Variants in KCNQ5 observed in about 807,000 individuals in gnomAD.
The protein encoded by KCNQ5 is potassium voltage-gated channel subfamily Q member 5.
KCNQ5 carries 30 observed loss-of-function variants against 98.2 expected under a neutral mutation model. That is an observed-to-expected ratio of 0.31 (90% CI 0.23 to 0.41). The LOEUF is 0.41. Ranked by LOEUF, KCNQ5 falls within the 10% of genes least tolerant of loss-of-function variation. The probability of loss-of-function intolerance (pLI) is 1.00; values close to 1 mark genes in which losing one functional copy is unlikely to be tolerated. For missense variants in KCNQ5, 835 were observed against 1,182.5 expected (o/e 0.71, Z 4.31); for synonymous variants, 458 against 449.4 (o/e 1.02, Z -0.24).
At chr6:72,737,544 T>C in intron 1 of KCNQ5, among the ~76,000 whole-genome samples, 1 of 152,042 alleles carries the variant, frequency 6.6e-6, no homozygotes, top group East Asian at 1.9e-4. Context: ...AGAGAAGGCT[T>C]GGGTGGACAT....
At chr6:73,109,832 T>C (rs1775155944) in intron 6 of KCNQ5, among the ~76,000 whole-genome samples, 1 of 152,208 alleles carries the variant, frequency 6.6e-6, no homozygotes, top group Non-Finnish European at 1.5e-5. Flanking sequence ...TTATACTAAT[T>C]AATAATGGAG....
chr6:72,724,150 A>G (rs1272836516), intron 1 of KCNQ5, among the ~76,000 whole-genome samples: 5 of 152,208 alleles, frequency 3.3e-5, no homozygotes. Flanking sequence ...ACTTATTTTT[A>G]TGTAAGACAT....
At chr6:72,671,884 T>G (rs2154473380) in intron 1 of KCNQ5, among the ~76,000 whole-genome samples, 1 of 152,190 alleles carries the variant, frequency 6.6e-6, no homozygotes, top group East Asian at 1.9e-4. Flanking sequence ...TGGCACGATC[T>G]CGGCTCACTG....
chr6:72,979,857 G>A (rs1478935891), intron 1 of KCNQ5, among the ~76,000 whole-genome samples: 2 of 152,142 alleles, frequency 1.3e-5, no homozygotes, highest in South Asian at 2.1e-4. Flanking sequence ...TTTGTATAAG[G>A]TGTAAGGAAG....
intron 10 of KCNQ5, among the ~76,000 whole-genome samples, chr6:73,150,019 A>C (rs1777088087): frequency 6.6e-6 from 1 of 151,924 alleles, no homozygotes; most frequent in South Asian, 2.1e-4. Context: ...AAAAAAAAAA[A>C]ACACCAGTTG....
intron 1 of KCNQ5, among the ~76,000 whole-genome samples, chr6:72,693,778 A>G (rs1337023878): frequency 6.6e-6 from 1 of 152,190 alleles, no homozygotes; most frequent in Non-Finnish European, 1.5e-5. Flanking sequence ...TTTAATTTGG[A>G]GAGAGACACT....
intron 1 of KCNQ5, among the ~76,000 whole-genome samples, chr6:72,974,814 A>G (rs1227441115): frequency 2.0e-5 from 3 of 151,170 alleles, no homozygotes; most frequent in African/African-American, 7.3e-5. Context: ...ATCTCGGCTC[A>G]CTGCAACCTC....
Position 72,826,969 on chromosome 6 carries a change from A to T in KCNQ5, c.399-176939A>T, listed in dbSNP as rs549268792. On this transcript the variant is annotated intron_variant, in intron 1 of 13. Coordinates refer to ENST00000370398, the MANE Select transcript of KCNQ5 (RefSeq NM_019842.4). ...TTAGCTTCTGCACATGGGTGAGAACATGTGGTGTTTAACTTTATGTTCCTG... is the reference window on the plus strand; with the variant it reads ...TTAGCTTCTGCACATGGGTGAGAACTTGTGGTGTTTAACTTTATGTTCCTG... Among the ~76,000 whole-genome samples the T allele has an allele frequency of 7.9e-5, 12 of 152,244 alleles. No individual in the cohort carries two copies. In the South Asian group the frequency reaches 2.5e-3, roughly 32 times the overall value.
At chr6:73,110,891 C>G (rs1462186234) in intron 6 of KCNQ5, among the ~76,000 whole-genome samples, 1 of 152,176 alleles carries the variant, frequency 6.6e-6, no homozygotes, top group Non-Finnish European at 1.5e-5. Flanking sequence ...AAATCCAGCT[C>G]TGTCCCAAGT....
At chr6:72,655,030 T>TCTG (rs1766086837) in intron 1 of KCNQ5, among the ~76,000 whole-genome samples, 3 of 43,580 alleles carry the variant, frequency 6.9e-5, no homozygotes, top group South Asian at 1.5e-3. Context: ...CTGTCTGTCT[T>TCTG]TCTTTCTTTC....
chr6:73,086,273 C>T (rs1399457719), intron 5 of KCNQ5, among the ~76,000 whole-genome samples: 4 of 151,980 alleles, frequency 2.6e-5, no homozygotes, highest in Non-Finnish European at 5.9e-5. Context: ...ACACATGATC[C>T]CACCTTCTCC....
chr6:72,939,020 C>T (rs529277471), intron 1 of KCNQ5, among the ~76,000 whole-genome samples: 15 of 152,296 alleles, frequency 9.8e-5, no homozygotes, highest in African/African-American at 3.6e-4. Flanking sequence ...AACTCATTAA[C>T]CCTGTACCAC....
At chr6:72,635,414 A>G (rs563655473) in intron 1 of KCNQ5, among the ~76,000 whole-genome samples, 169 of 152,312 alleles carry the variant, frequency 1.1e-3, no homozygotes, top group Non-Finnish European at 7.8e-4. Flanking sequence ...AAGATTCACT[A>G]CAAAATAGCA....
chr6:73,188,649 TAAC>T (rs1376204287), intron 11 of KCNQ5, among the ~76,000 whole-genome samples: 2 of 152,268 alleles, frequency 1.3e-5, no homozygotes, highest in East Asian at 3.9e-4. Flanking sequence ...GTAGAAGTGG[TAAC>T]AACAATAGCT....
intron 10 of KCNQ5, among the ~76,000 whole-genome samples, chr6:73,140,954 T>C (rs1776680627): frequency 6.6e-6 from 1 of 152,310 alleles, no homozygotes; most frequent in South Asian, 2.1e-4. Context: ...AAGATCTGCT[T>C]CTCCTATTGG....
intron 1 of KCNQ5, among the ~76,000 whole-genome samples, chr6:72,862,883 A>G (rs1238464117): frequency 2.0e-5 from 3 of 152,094 alleles, no homozygotes; most frequent in Non-Finnish European, 4.4e-5. Context: ...CTGCCTCATC[A>G]TCCCAAAGTG....
At chr6:72,925,359 G>A (rs1780589380) in intron 1 of KCNQ5, among the ~76,000 whole-genome samples, 2 of 152,126 alleles carry the variant, frequency 1.3e-5, no homozygotes, top group South Asian at 4.1e-4. Context: ...ACAGCTGCCA[G>A]GCATCTGAAT....
intron 1 of KCNQ5, among the ~76,000 whole-genome samples, chr6:72,729,092 G>T (rs1770426855): frequency 6.6e-6 from 1 of 151,926 alleles, no homozygotes; most frequent in Non-Finnish European, 1.5e-5. Flanking sequence ...TGCATTAAGA[G>T]TGCCCTCATT....
At chr6:73,101,235 C>G (rs2150415192) in intron 5 of KCNQ5, among the ~76,000 whole-genome samples, 1 of 152,192 alleles carries the variant, frequency 6.6e-6, no homozygotes, top group Non-Finnish European at 1.5e-5. Flanking sequence ...TGGAAAAATC[C>G]TTGACAAAAT....
Sources: allele counts gnomAD v4.1 joint callset (sites outside exome capture counted in the v4.1 genomes callset), GRCh38; gene constraint gnomAD v4.1.1; transcripts MANE v1.5; gene names NCBI Gene and HGNC (gene_info 2026-07-23, HGNC 2026-07-21).